Variants in MAP6 observed in about 807,000 individuals in gnomAD.
MAP6 encodes microtubule-associated protein 6.
MAP6 carries 26 observed loss-of-function variants against 42.4 expected under a neutral mutation model. The observed-to-expected ratio is 0.61, with a 90% CI of 0.45 to 0.85. MAP6 has a LOEUF of 0.85. MAP6 is among the 40% of genes least tolerant of loss of function. MAP6 has a pLI of 0.00. For missense variants in MAP6, 966 were observed against 1,099.0 expected (o/e 0.88, Z 1.71); for synonymous variants, 418 against 443.8 (o/e 0.94, Z 0.73).
chr11:75,657,466 C>G (rs1047150387), intron 1 of MAP6, among the ~76,000 whole-genome samples: 3 of 152,152 alleles, frequency 2.0e-5, no homozygotes, highest in African/African-American at 7.2e-5. Context: ...GGAAATATTA[C>G]TGGTGTGTAG....
chr11:75,605,862 G>A lies in MAP6; in HGVS notation c.1262C>T (p.Pro421Leu). The A allele has an allele frequency of 6.2e-7, 1 of 1,614,164 alleles. No homozygotes were observed. The highest frequency in any genetic ancestry group is 8.5e-7 in the Non-Finnish European group (1 of 1,180,048). ...KSAEGPSTTK[P>L]DDKEQSKEMN... ...CTCTTTGCTTTGCTCCTTGTCGTCT[G>A]GCTTGGTGGTACTCGGGCCCTCCGC... The change falls in exon 3 of 4, where the codon CCA (proline) becomes CTA (leucine). Residue 421 changes from proline (P) to leucine (L), a missense_variant. Physicochemically the swap from Pro to Leu is moderately conservative, Grantham distance 98. Transcript: ENST00000304771.
chr11:75,599,948 G>A (rs1339254166), intron 3 of MAP6, among the ~76,000 whole-genome samples: 5 of 152,204 alleles, frequency 3.3e-5, no homozygotes, highest in African/African-American at 9.7e-5. Context: ...AGAAAGAAAC[G>A]CTTCATAAGC....
At chr11:75,643,896 A>C (rs757084353) in intron 1 of MAP6, among the ~76,000 whole-genome samples, 15 of 152,228 alleles carry the variant, frequency 9.9e-5, no homozygotes, top group Non-Finnish European at 2.9e-5. Context: ...CTAGCCCTCA[A>C]TGAGTGAATG....
chr11:75,644,562 A>G (rs1943525151), intron 1 of MAP6, among the ~76,000 whole-genome samples: 1 of 152,178 alleles, frequency 6.6e-6, no homozygotes. Context: ...TAAGTCACAG[A>G]GCCTGGATTC....
At chr11:75,615,305 C>T (rs779980952) in intron 1 of MAP6, among the ~76,000 whole-genome samples, 5 of 152,148 alleles carry the variant, frequency 3.3e-5, no homozygotes, top group Admixed American at 6.6e-5. Context: ...TACATACGGC[C>T]TACTCATAGA....
Position 75,605,852 on chromosome 11 carries a change from C to T in MAP6, c.1272G>A (p.Lys424=), listed in dbSNP as rs765848592. ...TATTGTTCATCTCTTTGCTTTGCTC[C>T]TTGTCGTCTGGCTTGGTGGTACTCG... ...EGPSTTKPDD[K]EQSKEMNNKL... Residue 424 remains lysine (K), a synonymous_variant, in exon 3 of 4, where the codon AAG becomes AAA. Transcript: ENST00000304771. 1.2e-6 allele frequency: 2 copies of T among 1,613,896 alleles called. No homozygotes were observed. Among genetic ancestry groups the T allele is most frequent in the Non-Finnish European group, 1.7e-6 (2 of 1,180,020 alleles).
At chr11:75,601,879 C>T (rs936155682) in intron 3 of MAP6, among the ~76,000 whole-genome samples, 4 of 149,812 alleles carry the variant, frequency 2.7e-5, no homozygotes, top group East Asian at 3.9e-4. Context: ...CCTTGGCCAC[C>T]CCCGGCTCTG....
intron 1 of MAP6, among the ~76,000 whole-genome samples, chr11:75,614,805 TTTCTC>T (rs1227932286): frequency 6.6e-6 from 1 of 152,192 alleles, no homozygotes; most frequent in Non-Finnish European, 1.5e-5. Context: ...ATCAGAAAAT[TTTCTC>T]TTCTCATCAA....
chr11:75,655,949 T>C (rs1372678865), intron 1 of MAP6, among the ~76,000 whole-genome samples: 1 of 152,204 alleles, frequency 6.6e-6, no homozygotes, highest in Non-Finnish European at 1.5e-5. Context: ...CCTTAAAAGG[T>C]CATTATGAAG....
chr11:75,650,527 C>A (rs1049816085), intron 1 of MAP6, among the ~76,000 whole-genome samples: 9 of 152,156 alleles, frequency 5.9e-5, no homozygotes, highest in African/African-American at 2.2e-4. Flanking sequence ...GGCTGTAATC[C>A]AAGAACATAG....
intron 3 of MAP6, 127 bp downstream of exon 3, chr11:75,605,681 C>A: frequency 1.3e-6 from 2 of 1,484,168 alleles, no homozygotes; most frequent in East Asian, 2.4e-5. Flanking sequence ...CTGGAACACT[C>A]AGGACCAAGG....
intron 1 of MAP6, among the ~76,000 whole-genome samples, chr11:75,612,540 A>G (rs1376916919): frequency 4.6e-5 from 7 of 152,198 alleles, no homozygotes; most frequent in Admixed American, 4.6e-4. Flanking sequence ...CTGAGTCTGT[A>G]TGGCAGGTTC....
chr11:75,649,108 T>C (rs965039410), intron 1 of MAP6, among the ~76,000 whole-genome samples: 1 of 152,214 alleles, frequency 6.6e-6, no homozygotes, highest in African/African-American at 2.4e-5. Flanking sequence ...CACTGCAACA[T>C]TGCTTGTGAT....
chr11:75,627,092 G>C (rs1226974675), intron 1 of MAP6, among the ~76,000 whole-genome samples: 1 of 152,222 alleles, frequency 6.6e-6, no homozygotes, highest in Non-Finnish European at 1.5e-5. Context: ...TATAACCTAG[G>C]AAATGGCTGA....
intron 3 of MAP6, chr11:75,605,404 T>C: frequency 1.0e-6 from 1 of 996,406 alleles, no homozygotes; most frequent in Non-Finnish European, 1.2e-6. Context: ...AGAACACATG[T>C]ACCTAAAGTT....
At chr11:75,619,069 C>T (rs1278722972) in intron 1 of MAP6, among the ~76,000 whole-genome samples, 1 of 152,004 alleles carries the variant, frequency 6.6e-6, no homozygotes, top group Non-Finnish European at 1.5e-5. Context: ...AGGTCCAGGC[C>T]TGGGGCCAAG....
At position 75,668,224 on chromosome 11, in the gene MAP6, G is replaced by T; in HGVS notation, c.146C>A (p.Pro49Gln). Residue 49 changes from proline (P) to glutamine (Q), a missense_variant, in exon 1 of 4, where the codon CCG becomes CAG. Pro to Gln is a moderately conservative substitution (Grantham distance 76, BLOSUM62 -1). Transcript: ENST00000304771. ...GAGCGCCGGCTGCGCCTGCTGCTGC[G>T]GCGGCGGTGGCTGCGGCGGGGCGCC... The part of the protein sequence containing the change: ...HPGAPPQPPP[P>Q]QQQAQPALAP... 7.2e-7 allele frequency: 1 copy of T among 1,385,122 alleles called. No individual in the cohort carries two copies. Among genetic ancestry groups the T allele is most frequent in the Non-Finnish European group, 9.3e-7 (1 of 1,072,880 alleles). 85.8% of individuals were successfully genotyped at this position (1,385,122 alleles called of 1,614,324 possible).
intron 1 of MAP6, among the ~76,000 whole-genome samples, chr11:75,612,638 A>G (rs1016205221): frequency 6.6e-6 from 1 of 152,042 alleles, no homozygotes; most frequent in Non-Finnish European, 1.5e-5. Flanking sequence ...GCTGGATAGG[A>G]GCTGGGGCCA....
intron 3 of MAP6, among the ~76,000 whole-genome samples, chr11:75,598,377 A>G (rs541859498): frequency 6.6e-6 from 1 of 152,256 alleles, no homozygotes; most frequent in East Asian, 1.9e-4. Flanking sequence ...TAGAGTTAGG[A>G]GCCCTGAACT....
Sources: allele counts gnomAD v4.1 joint callset (sites outside exome capture counted in the v4.1 genomes callset), GRCh38; gene constraint gnomAD v4.1.1; transcripts MANE v1.5; gene names NCBI Gene and HGNC (gene_info 2026-07-23, HGNC 2026-07-21).